CWC27: variants seen among roughly 807,000 people sequenced by gnomAD.
The protein encoded by CWC27 is CWC27 spliceosome associated cyclophilin.
Under a neutral mutation model 63.6 loss-of-function variants are expected in CWC27, and 47 were observed. The observed-to-expected ratio is 0.74, with a 90% confidence interval of 0.58 to 0.94. The LOEUF is 0.94. CWC27 is among the 40% of genes least tolerant of loss of function. CWC27 has a pLI of 0.00. For missense variants in CWC27, 495 were observed against 554.3 expected (o/e 0.89, Z 1.07); for synonymous variants, 175 against 179.8 (o/e 0.97, Z 0.22).
At chr5:64,829,548 G>A (rs955654972) in intron 10 of CWC27, among the ~76,000 whole-genome samples, 2 of 151,820 alleles carry the variant, frequency 1.3e-5, no homozygotes, top group African/African-American at 4.8e-5. Context: ...TACACAGAAG[G>A]CCTCATATAC....
intron 10 of CWC27, among the ~76,000 whole-genome samples, chr5:64,855,015 G>A (rs1162005790): frequency 3.3e-5 from 5 of 151,726 alleles, no homozygotes; most frequent in Non-Finnish European, 7.4e-5. Flanking sequence ...TTCTCTTTTT[G>A]CTTCCTCCCC....
intron 10 of CWC27, among the ~76,000 whole-genome samples, chr5:64,824,683 T>C (rs554483649): frequency 1.3e-5 from 2 of 151,548 alleles, no homozygotes; most frequent in East Asian, 3.9e-4. Context: ...TTTTTTTTTT[T>C]TCCTCTAGAA....
At chr5:64,940,330 C>G (rs142554445) in intron 11 of CWC27, among the ~76,000 whole-genome samples, 1 of 152,100 alleles carries the variant, frequency 6.6e-6, no homozygotes, top group Non-Finnish European at 1.5e-5. Context: ...CCGTTCCTCA[C>G]GGCACAGTCC....
chr5:64,982,572 G>A (rs150228060), intron 13 of CWC27, among the ~76,000 whole-genome samples: 10 of 151,812 alleles, frequency 6.6e-5, no homozygotes, highest in African/African-American at 9.7e-5. Flanking sequence ...TTCCCGCTTC[G>A]GCCTCCCAAA....
intron 2 of CWC27, among the ~76,000 whole-genome samples, chr5:64,779,647 A>G (rs1743591371): frequency 6.6e-6 from 1 of 152,192 alleles, no homozygotes; most frequent in South Asian, 2.1e-4. Flanking sequence ...TTACCCCAAA[A>G]GAAAACTCTG....
intron 7 of CWC27, among the ~76,000 whole-genome samples, chr5:64,797,964 G>C (rs539405415): frequency 6.6e-6 from 1 of 152,210 alleles, no homozygotes; most frequent in East Asian, 1.9e-4. Context: ...AGAGGATCTG[G>C]GGCCAATTCT....
chr5:64,866,301 A>G (rs1746530073), intron 10 of CWC27, among the ~76,000 whole-genome samples: 1 of 152,024 alleles, frequency 6.6e-6, no homozygotes, highest in African/African-American at 2.4e-5. Context: ...ACAGTTCCCA[A>G]TTGGTAATTG....
intron 10 of CWC27, among the ~76,000 whole-genome samples, chr5:64,840,380 AAAAAAAAAAAAAAAATATATATATAT>A (rs1745780417): frequency 4.3e-5 from 3 of 70,186 alleles, no homozygotes; most frequent in African/African-American, 1.9e-4. Flanking sequence ...AAAAAAAAAA[AAAAAAAAAAAAAAAATATATATATAT>A]ATATATATAT....
At chr5:64,850,153 T>C (rs1746098872) in intron 10 of CWC27, among the ~76,000 whole-genome samples, 1 of 150,564 alleles carries the variant, frequency 6.6e-6, no homozygotes, top group African/African-American at 2.5e-5. Flanking sequence ...GCTGGAGGTA[T>C]CATACTACCT....
chr5:64,862,056 T>C (rs1163630457), intron 10 of CWC27, among the ~76,000 whole-genome samples: 1 of 152,214 alleles, frequency 6.6e-6, no homozygotes, highest in Non-Finnish European at 1.5e-5. Context: ...TTTATGTAAA[T>C]AGTATATTGC....
intron 11 of CWC27, among the ~76,000 whole-genome samples, chr5:64,943,075 G>A (rs546917389): frequency 2.0e-5 from 3 of 152,168 alleles, no homozygotes; most frequent in South Asian, 4.2e-4. Context: ...TTAAAACAGG[G>A]CATCAGGTAT....
intron 11 of CWC27, among the ~76,000 whole-genome samples, chr5:64,895,845 A>C (rs1747360687): frequency 6.6e-6 from 1 of 152,230 alleles, no homozygotes; most frequent in South Asian, 2.1e-4. Context: ...AACATTAGTG[A>C]CTTGAAAGAT....
chr5:64,802,131 T>G, intron 9 of CWC27, among the ~76,000 whole-genome samples: 1 of 151,986 alleles, frequency 6.6e-6, no homozygotes, highest in African/African-American at 2.4e-5. Context: ...GGGGGTGAGG[T>G]CCCTCTAGCT....
At chr5:64,802,411 G>T (rs1387343122) in intron 9 of CWC27, among the ~76,000 whole-genome samples, 1 of 152,122 alleles carries the variant, frequency 6.6e-6, no homozygotes. Context: ...AGGGGTTTGA[G>T]TTTTTTCCTA....
At chr5:64,856,430 G>A (rs918143664) in intron 10 of CWC27, among the ~76,000 whole-genome samples, 5 of 150,842 alleles carry the variant, frequency 3.3e-5, no homozygotes, top group Non-Finnish European at 7.4e-5. Context: ...TTCCACTTCT[G>A]TATTTGTCTT....
intron 10 of CWC27, among the ~76,000 whole-genome samples, chr5:64,812,046 T>A (rs1045759373): frequency 6.6e-6 from 1 of 152,098 alleles, no homozygotes; most frequent in East Asian, 1.9e-4. Flanking sequence ...ACTTAGATAA[T>A]TTTTGACTCT....
At chr5:64,930,110 C>T (rs1193658131) in intron 11 of CWC27, among the ~76,000 whole-genome samples, 1 of 151,994 alleles carries the variant, frequency 6.6e-6, no homozygotes, top group Non-Finnish European at 1.5e-5. Context: ...AGCCAGAATA[C>T]AAAAGACCAT....
chr5:64,851,307 C>T (rs148251148), intron 10 of CWC27, among the ~76,000 whole-genome samples: 1 of 152,080 alleles, frequency 6.6e-6, no homozygotes, highest in East Asian at 1.9e-4. Flanking sequence ...CACAGAAAGA[C>T]AAATACCCTG....
At position 64,887,885 on chromosome 5, in the gene CWC27, C is replaced by T. The variant is rs117372083; in HGVS notation, c.1042+2339C>T. On this transcript the variant is annotated intron_variant, in intron 11 of 13. Coordinates refer to ENST00000381070, the MANE Select transcript of CWC27 (RefSeq NM_005869.4). The stretch of plus-strand genomic sequence containing the variant: ...ATACAATTCTAAGAAAAAGGTAATC[C>T]ATAATGTACATCATAGATGGTTCTA... Among the ~76,000 whole-genome samples the T allele has an allele frequency of 1.2e-4, 19 of 152,112 alleles. No individual in the cohort carries two copies. The East Asian group carries it at 1.9e-3, about 15-fold the overall frequency.
Sources: gnomAD v4.1 joint callset for allele counts (sites outside exome capture counted in the v4.1 genomes callset) on GRCh38, gnomAD v4.1.1 for gene constraint, MANE v1.5 for transcripts, NCBI Gene and HGNC (gene_info 2026-07-23, HGNC 2026-07-21) for gene names.